MRTFA: variants seen among roughly 807,000 people sequenced by gnomAD.
MRTFA encodes the protein myocardin related transcription factor A, also known as myocardin-related transcription factor A.
A neutral mutation model predicts 83.5 loss-of-function variants in MRTFA; 20 were observed. The observed-to-expected ratio is 0.24, with a 90% confidence interval of 0.17 to 0.35. The LOEUF is 0.35. MRTFA is among the 10% of genes least tolerant of loss of function. MRTFA has a pLI of 1.00. For missense variants in MRTFA, 1,200 were observed against 1,224.7 expected, an observed-to-expected ratio of 0.98 and a Z score of 0.30; for synonymous variants, 659 against 541.2, an observed-to-expected ratio of 1.22 and a Z score of -3.02.
At chr22:40,598,956 C>A (rs2056224937) in intron 1 of MRTFA, among the ~76,000 whole-genome samples, 1 of 149,000 alleles carries the variant, frequency 6.7e-6, no homozygotes, top group African/African-American at 2.5e-5. Context: ...CAAGATTGTG[C>A]CACTGCACTC....
At chr22:40,495,291 A>G (rs2054332525) in intron 3 of MRTFA, among the ~76,000 whole-genome samples, 1 of 152,086 alleles carries the variant, frequency 6.6e-6, no homozygotes, top group African/African-American at 2.4e-5. Flanking sequence ...CTAAAAAAAA[A>G]TACAAAAAAA....
intron 3 of MRTFA, among the ~76,000 whole-genome samples, chr22:40,469,220 T>C (rs2147163264): frequency 6.6e-6 from 1 of 152,306 alleles, no homozygotes; most frequent in Non-Finnish European, 1.5e-5. Flanking sequence ...CATGCTGAGA[T>C]ATGATCCCCA....
chr22:40,589,063 C>T (rs189723694), intron 2 of MRTFA, among the ~76,000 whole-genome samples: 1 of 152,204 alleles, frequency 6.6e-6, no homozygotes, highest in Admixed American at 6.5e-5. Context: ...GTGCCGAAAT[C>T]TTATATTCAA....
intron 3 of MRTFA, among the ~76,000 whole-genome samples, chr22:40,536,777 G>A (rs1015125682): frequency 4.9e-5 from 1 of 20,292 alleles, no homozygotes; most frequent in African/African-American, 2.5e-4. Flanking sequence ...GATGTGAGGA[G>A]CGCCTCTGCC....
chr22:40,534,319 A>G (rs2055130561), intron 3 of MRTFA, among the ~76,000 whole-genome samples: 1 of 152,242 alleles, frequency 6.6e-6, no homozygotes, highest in South Asian at 2.1e-4. Flanking sequence ...TCTGTTTCAA[A>G]AAGTCATCTG....
chr22:40,586,481 A>G (rs950216664), intron 2 of MRTFA, among the ~76,000 whole-genome samples: 7 of 152,198 alleles, frequency 4.6e-5, no homozygotes, highest in African/African-American at 1.7e-4. Context: ...TCATAATGGC[A>G]AACGCCCTCA....
chr22:40,628,632 C>T (rs2056606771), intron 1 of MRTFA, among the ~76,000 whole-genome samples: 1 of 151,584 alleles, frequency 6.6e-6, no homozygotes. Flanking sequence ...CCAAACATAC[C>T]ACAGAAGTAA....
intron 14 of MRTFA, among the ~76,000 whole-genome samples, chr22:40,414,379 C>G (rs2052632179): frequency 1.3e-5 from 2 of 152,188 alleles, no homozygotes; most frequent in Non-Finnish European, 2.9e-5. Flanking sequence ...TCCGGCAATT[C>G]CAACCCTAGG....
At chr22:40,573,520 G>A (rs1220278673) in intron 2 of MRTFA, among the ~76,000 whole-genome samples, 1 of 152,136 alleles carries the variant, frequency 6.6e-6, no homozygotes, top group Non-Finnish European at 1.5e-5. Context: ...CTCCCAAAGT[G>A]ATGGGATTAC....
chr22:40,418,905 G>T lies in MRTFA; in HGVS notation c.1833C>A (p.Ser611Arg). The T allele has an allele frequency of 1.2e-6, 2 of 1,612,742 alleles. No individual in the cohort carries two copies. The highest frequency in any genetic ancestry group is 2.2e-5 in the South Asian group (2 of 91,084). Residue 611 changes from serine (S) to arginine (R), a missense_variant, in exon 12 of 15, where the codon AGC (serine) becomes AGA (arginine). Ser to Arg is a moderately radical substitution (Grantham distance 110, BLOSUM62 -1). Around this residue, in one of 2 missense-constraint regions of MRTFA, gnomAD observed 1,107 missense variants for 1,041.8 expected, o/e 1.06. Transcript: ENST00000355630. ...CCTCTAGCTCCGCCCGCCCCCCAGG[G>T]CTCAGGCAACAGGACCCGGCCCGGG...
chr22:40,444,798 T>G (rs920725723), intron 4 of MRTFA, among the ~76,000 whole-genome samples: 1 of 151,288 alleles, frequency 6.6e-6, no homozygotes, highest in African/African-American at 2.4e-5. Context: ...CCTGGTGCAG[T>G]GGCTCACACC....
rs140110874 is a variant in MRTFA, at chr22:40,473,093, G to T, written c.242-9807C>A. ...TTTTCTATCTAAATTTAATGCATAC[G>T]ATATGATGCAGTATCTTCTAAGTTC... On this transcript the variant is annotated intron_variant, in intron 3 of 14. Transcript: ENST00000355630. Among the ~76,000 whole-genome samples the T allele has an allele frequency of 7.8e-4, 118 of 152,098 alleles. 1 individual carries two copies. In the East Asian group the frequency reaches 0.021, roughly 27 times the overall value.
intron 1 of MRTFA, among the ~76,000 whole-genome samples, chr22:40,596,426 G>A (rs2056192849): frequency 6.6e-6 from 1 of 152,082 alleles, no homozygotes; most frequent in Non-Finnish European, 1.5e-5. Context: ...CCTATGAAAA[G>A]GCCAGCACTT....
chr22:40,620,947 C>T (rs2056515881), intron 1 of MRTFA, among the ~76,000 whole-genome samples: 1 of 151,878 alleles, frequency 6.6e-6, no homozygotes, highest in East Asian at 1.9e-4. Flanking sequence ...TTTGAGAGGC[C>T]AAAGCAGGAG....
At chr22:40,501,941 G>T in intron 3 of MRTFA, among the ~76,000 whole-genome samples, 1 of 100,624 alleles carries the variant, frequency 9.9e-6, no homozygotes, top group Non-Finnish European at 2.0e-5. Context: ...GGGCAGAGGC[G>T]CCCCTCACCT....
chr22:40,570,832 T>C (rs370308019), intron 2 of MRTFA, among the ~76,000 whole-genome samples: 2 of 151,528 alleles, frequency 1.3e-5, no homozygotes, highest in South Asian at 2.1e-4. Context: ...AATAGACTTA[T>C]ATCATTTTTA....
At chr22:40,566,060 C>T (rs1198615150) in intron 2 of MRTFA, among the ~76,000 whole-genome samples, 1 of 152,072 alleles carries the variant, frequency 6.6e-6, no homozygotes, top group Admixed American at 6.6e-5. Flanking sequence ...GCAGAGGGAA[C>T]AGCATATGCA....
intron 3 of MRTFA, among the ~76,000 whole-genome samples, chr22:40,523,971 T>C (rs907111551): frequency 2.6e-5 from 4 of 152,188 alleles, no homozygotes; most frequent in Non-Finnish European, 4.4e-5. Flanking sequence ...AGATCCTATT[T>C]GCAAGGAAAA....
intron 2 of MRTFA, among the ~76,000 whole-genome samples, chr22:40,583,841 C>T (rs1378958358): frequency 1.3e-5 from 2 of 152,142 alleles, no homozygotes; most frequent in African/African-American, 4.8e-5. Context: ...GAAACTGGTC[C>T]CTGGTGCCAA....
Sources: allele counts gnomAD v4.1 joint callset (sites outside exome capture counted in the v4.1 genomes callset), GRCh38; gene constraint gnomAD v4.1.1; regional missense constraint gnomAD v4.1.1; transcripts MANE v1.5; gene names NCBI Gene and HGNC (gene_info 2026-07-23, HGNC 2026-07-21).